Variants in KCNIP3 observed in about 807,000 individuals in gnomAD.
KCNIP3 encodes calsenilin.
Under a neutral mutation model 35.0 loss-of-function variants are expected in KCNIP3, and 28 were observed. That is an observed-to-expected ratio of 0.80 (90% CI 0.59 to 1.10). KCNIP3 has a LOEUF of 1.10. Ranked by LOEUF, KCNIP3 falls within the 50% of genes least tolerant of loss-of-function variation. KCNIP3 has a pLI of 0.00. For synonymous variants in KCNIP3, 134 were observed against 133.8 expected (o/e 1.00, Z -0.01); for missense variants, 295 against 338.4 (o/e 0.87, Z 1.01).
At chr2:95,325,686 CACATACACACTCAT>C (rs1470048426) in intron 2 of KCNIP3, among the ~76,000 whole-genome samples, 4 of 151,640 alleles carry the variant, frequency 2.6e-5, no homozygotes, top group East Asian at 1.9e-4. Flanking sequence ...CACACTCATA[CACATACACACTCAT>C]ACATACACAC....
chr2:95,329,007 C>T (rs147691432), intron 2 of KCNIP3, among the ~76,000 whole-genome samples: 31 of 152,264 alleles, frequency 2.0e-4, no homozygotes, highest in African/African-American at 6.5e-4. Flanking sequence ...TGTAGCCCAG[C>T]GGTTCCTAGG....
At chr2:95,349,023 G>A (rs1003397800) in intron 2 of KCNIP3, among the ~76,000 whole-genome samples, 5 of 152,152 alleles carry the variant, frequency 3.3e-5, no homozygotes, top group African/African-American at 7.2e-5. Context: ...TTAGCAATGC[G>A]TATGTGAGTG....
At chr2:95,381,075 G>T (rs750166659) in intron 5 of KCNIP3, among the ~76,000 whole-genome samples, 15 of 152,186 alleles carry the variant, frequency 9.9e-5, no homozygotes, top group Admixed American at 2.6e-4. Context: ...CCTTTGCCAT[G>T]CAGATGCTTG....
chr2:95,312,178 T>A (rs550771771), intron 2 of KCNIP3: 4 of 152,320 alleles, frequency 2.6e-5, no homozygotes, highest in Admixed American at 2.6e-4. Flanking sequence ...CCTCCCTCCA[T>A]CCCTCAGGTC....
At chr2:95,353,975 CAG>C (rs1679591130) in intron 2 of KCNIP3, among the ~76,000 whole-genome samples, 2 of 152,358 alleles carry the variant, frequency 1.3e-5, no homozygotes, top group Admixed American at 1.3e-4. Context: ...GGCCCCAGCA[CAG>C]AGAGGTGTCT....
At chr2:95,297,581 T>C (rs887082781) in intron 1 of KCNIP3, 128 bp downstream of exon 1, 2 of 778,546 alleles carry the variant, frequency 2.6e-6, no homozygotes, top group East Asian at 5.7e-5. Context: ...CCACTTTCCT[T>C]TGGGGAAAGT....
chr2:95,326,017 A>C (rs1678764273), intron 2 of KCNIP3, among the ~76,000 whole-genome samples: 1 of 151,712 alleles, frequency 6.6e-6, no homozygotes, highest in African/African-American at 2.4e-5. Context: ...ACACACATAC[A>C]CATTCACTCA....
chr2:95,385,119 A>AT lies in KCNIP3; in HGVS notation c.*1072dup, dbSNP rs1680466061. The stretch of plus-strand genomic sequence containing the variant: ...TCTGCCTTGCACAAAAAGCACAAGC[A>AT]TTCCTTAGCAGCTCAGGCGCAGCCC... On this transcript the variant is annotated 3_prime_UTR_variant, in exon 9 of 9. Coordinates refer to ENST00000295225, the MANE Select transcript of KCNIP3 (RefSeq NM_013434.5). 6.6e-6 allele frequency: 1 copy of AT among 152,592 alleles called. No individual in the cohort carries two copies. The highest frequency in any genetic ancestry group is 2.4e-5 in the African/African-American group (1 of 41,398). The allele number at this position is 152,592 out of a possible 1,614,324, so 9.5% of individuals were successfully genotyped here.
chr2:95,355,116 C>A (rs1285574548), intron 2 of KCNIP3: 2 of 152,196 alleles, frequency 1.3e-5, no homozygotes, highest in African/African-American at 2.4e-5. Flanking sequence ...GCACACCTGC[C>A]CTGAATGCAT....
chr2:95,298,795 A>G (rs1677944298), intron 1 of KCNIP3: 1 of 152,346 alleles, frequency 6.6e-6, no homozygotes, highest in Non-Finnish European at 1.5e-5. Context: ...AGCAACCACC[A>G]TGCAGGCAGG....
intron 2 of KCNIP3, among the ~76,000 whole-genome samples, chr2:95,366,118 C>T (rs993894194): frequency 6.6e-6 from 1 of 152,140 alleles, no homozygotes; most frequent in African/African-American, 2.4e-5. Flanking sequence ...AGAGGTAGGA[C>T]TACAGGTGTG....
rs144496841 is a variant in KCNIP3 at position 95,375,185 on chromosome 2, G to A, written c.424G>A (p.Gly142Arg). Reference sequence around the variant, plus strand: ...CCTCTTCAACGCCTTTGATGCGGACGGGAACGGGGCCATCCACTTTGAGGT... The same window carrying A: ...CCTCTTCAACGCCTTTGATGCGGACAGGAACGGGGCCATCCACTTTGAGGT... The part of the protein sequence containing the change: ...HFLFNAFDAD[G>R]NGAIHFEDFV... The change falls in exon 5 of 9, where the codon GGG (glycine) becomes AGG (arginine). Residue 142 changes from glycine (G) to arginine (R), a missense_variant. Physicochemically the swap from Gly to Arg is moderately radical, Grantham distance 125. Coordinates refer to ENST00000295225, the MANE Select transcript of KCNIP3 (RefSeq NM_013434.5). The A allele has an allele frequency of 1.1e-4, 175 of 1,614,158 alleles. 1 individual carries two copies. In the African/African-American group the frequency reaches 2.0e-3, roughly 18 times the overall value.
chr2:95,316,780 C>T (rs1388519447), intron 2 of KCNIP3, among the ~76,000 whole-genome samples: 1 of 152,172 alleles, frequency 6.6e-6, no homozygotes, highest in Non-Finnish European at 1.5e-5. Context: ...TCTCCAACAG[C>T]ATCTGAACCC....
Position 95,325,614 on chromosome 2 carries a change from TACAC to T in KCNIP3, c.181+15103_181+15106del, listed in dbSNP as rs548674014. On this transcript the variant is annotated intron_variant, in intron 2 of 8. Coordinates refer to ENST00000295225, the MANE Select transcript of KCNIP3 (RefSeq NM_013434.5). ...ACGCACTCACACACTCATACACACG[TACAC>T]ACACACACTCACACACACACACGCA... 3.1e-4 allele frequency among the ~76,000 whole-genome samples: 46 copies of T among 149,488 alleles called. 1 individual carries two copies. In the South Asian group the frequency reaches 9.0e-3, roughly 29 times the overall value.
At chr2:95,365,162 T>C (rs1679888068) in intron 2 of KCNIP3, among the ~76,000 whole-genome samples, 1 of 147,998 alleles carries the variant, frequency 6.8e-6, no homozygotes, top group African/African-American at 2.5e-5. Flanking sequence ...TTATGTCTTT[T>C]TTTTTTTTTT....
At chr2:95,304,493 C>T (rs541385987) in intron 1 of KCNIP3, among the ~76,000 whole-genome samples, 7 of 152,262 alleles carry the variant, frequency 4.6e-5, no homozygotes, top group East Asian at 3.9e-4. Context: ...TCCTGCACCT[C>T]GTAGGTGCAG....
chr2:95,379,900 C>G (rs1304064126), intron 5 of KCNIP3, among the ~76,000 whole-genome samples: 1 of 152,252 alleles, frequency 6.6e-6, no homozygotes, highest in Non-Finnish European at 1.5e-5. Context: ...ATGCTTGCAG[C>G]TAAACTGCAG....
intron 1 of KCNIP3, among the ~76,000 whole-genome samples, chr2:95,309,609 A>T (rs1678261932): frequency 6.6e-6 from 1 of 152,070 alleles, no homozygotes; most frequent in African/African-American, 2.4e-5. Context: ...TTTTTAGTAG[A>T]GACAGGGTTT....
chr2:95,331,101 C>T (rs1481981908), intron 2 of KCNIP3, among the ~76,000 whole-genome samples: 1 of 151,976 alleles, frequency 6.6e-6, no homozygotes, highest in Non-Finnish European at 1.5e-5. Context: ...AGGAGAGGCC[C>T]CTCCTGCTGA....
Sources: allele counts gnomAD v4.1 joint callset (sites outside exome capture counted in the v4.1 genomes callset), GRCh38; gene constraint gnomAD v4.1.1; transcripts MANE v1.5; gene names NCBI Gene and HGNC (gene_info 2026-07-23, HGNC 2026-07-21).